Variants in SUGCT observed in about 807,000 individuals in gnomAD.
The protein encoded by SUGCT is succinyl-CoA:glutarate-CoA transferase.
SUGCT carries 41 observed loss-of-function variants against 55.0 expected under a neutral mutation model. The observed-to-expected ratio is 0.74, with a 90% confidence interval of 0.58 to 0.97. SUGCT has a LOEUF of 0.97. SUGCT is among the 50% of genes least tolerant of loss of function. The pLI, the probability that SUGCT is intolerant of heterozygous loss-of-function variation, is 0.00. For synonymous variants in SUGCT, 187 were observed against 200.4 expected (o/e 0.93, Z 0.56); for missense variants, 568 against 547.8 (o/e 1.04, Z -0.37).
rs1482109717 is a variant in SUGCT at position 40,253,595 on chromosome 7, C to T, written c.576+15869C>T. The stretch of plus-strand genomic sequence containing the variant: ...TTTTTTTTTTTGAGGCGGAGCCTCG[C>T]TCTGTTGCCCAGGCTGGAGTGCAGT... On this transcript the variant is annotated intron_variant, in intron 7 of 13. Transcript: ENST00000335693. Among the ~76,000 whole-genome samples the T allele has an allele frequency of 4.6e-5, 7 of 151,998 alleles. No homozygotes were observed. The East Asian group carries it at 1.3e-3, about 29-fold the overall frequency.
the SUGCT span, among the ~76,000 whole-genome samples, chr7:41,023,117 T>C: frequency 6.6e-6 from 1 of 152,210 alleles, no homozygotes; most frequent in Non-Finnish European, 1.5e-5. Flanking sequence ...GTTCACAGCA[T>C]GTCAGGTTTT....
chr7:40,623,704 A>T (rs1252014703), intron 12 of SUGCT, among the ~76,000 whole-genome samples: 1 of 152,146 alleles, frequency 6.6e-6, no homozygotes, highest in Non-Finnish European at 1.5e-5. Context: ...GATCACACAC[A>T]TGTGCACGCA....
At position 40,361,860 on chromosome 7, in the gene SUGCT, A is replaced by G. The variant is rs1049027519; in HGVS notation, c.816+45005A>G. Among the ~76,000 whole-genome samples the G allele has an allele frequency of 2.0e-5, 3 of 152,016 alleles. No homozygotes were observed. In the East Asian group the frequency reaches 5.8e-4, roughly 30 times the overall value. On this transcript the variant is annotated intron_variant, in intron 9 of 13. Coordinates refer to ENST00000335693, the MANE Select transcript of SUGCT (RefSeq NM_001193313.2). ...TTTTCTGAGGGCACATTGGAATCAC[A>G]TGGGGATCTTAAGAAATATCCTGAT... is the stretch of plus-strand genomic sequence containing the variant.
chr7:40,293,555 A>T (rs960200450), intron 8 of SUGCT, among the ~76,000 whole-genome samples: 1 of 152,186 alleles, frequency 6.6e-6, no homozygotes, highest in African/African-American at 2.4e-5. Context: ...AGCTTTTTGA[A>T]AAACTGATTC....
At chr7:40,598,545 T>C (rs569551436) in intron 12 of SUGCT, among the ~76,000 whole-genome samples, 2 of 152,288 alleles carry the variant, frequency 1.3e-5, no homozygotes, top group East Asian at 3.9e-4. Flanking sequence ...AGCAGAGAAC[T>C]AGAGAAAGGG....
chr7:40,378,627 C>T (rs1784721333), intron 9 of SUGCT, among the ~76,000 whole-genome samples: 8 of 152,180 alleles, frequency 5.3e-5, no homozygotes. Flanking sequence ...CATGTGCCAT[C>T]ATGCCTGGCT....
intron 8 of SUGCT, among the ~76,000 whole-genome samples, chr7:40,296,983 G>A (rs556349203): frequency 6.6e-6 from 1 of 152,176 alleles, no homozygotes; most frequent in African/African-American, 2.4e-5. Flanking sequence ...TCACTAAATG[G>A]GAATAATAAT....
intron 8 of SUGCT, among the ~76,000 whole-genome samples, chr7:40,279,708 G>A (rs1476016007): frequency 1.3e-5 from 2 of 151,938 alleles, no homozygotes; most frequent in African/African-American, 4.8e-5. Context: ...ACTTCAATTT[G>A]TCTTTCAATT....
chr7:40,299,496 C>T (rs1794392382), intron 8 of SUGCT, among the ~76,000 whole-genome samples: 1 of 152,172 alleles, frequency 6.6e-6, no homozygotes, highest in African/African-American at 2.4e-5. Context: ...TGTCACTGCA[C>T]ATGTTTAGAA....
intron 8 of SUGCT, among the ~76,000 whole-genome samples, chr7:40,295,789 A>T (rs1158782280): frequency 6.6e-6 from 1 of 152,206 alleles, no homozygotes; most frequent in Non-Finnish European, 1.5e-5. Context: ...ATTTAGGTGC[A>T]TAGATAAATT....
intron 9 of SUGCT, among the ~76,000 whole-genome samples, chr7:40,362,831 A>G (rs6945101): frequency 0.57 from 86,336 of 152,030 alleles, 24,595 homozygotes; most frequent in South Asian, 0.65. Flanking sequence ...CTTGATCTAT[A>G]TGGTGTGATT....
intron 8 of SUGCT, among the ~76,000 whole-genome samples, chr7:40,285,816 A>C (rs1457252896): frequency 6.6e-6 from 1 of 152,208 alleles, no homozygotes; most frequent in Non-Finnish European, 1.5e-5. Context: ...AGCAATGATA[A>C]TCAGACCTTA....
At chr7:40,211,041 ATCTCGGC>A (rs1336001384) in intron 6 of SUGCT, among the ~76,000 whole-genome samples, 1 of 151,786 alleles carries the variant, frequency 6.6e-6, no homozygotes, top group African/African-American at 2.4e-5. Flanking sequence ...CAGTGGTGTG[ATCTCGGC>A]TCACTGTAAC....
At chr7:40,967,125 T>C in the SUGCT span, 1 of 152,234 alleles carries the variant, frequency 6.6e-6, no homozygotes, top group Non-Finnish European at 1.5e-5. Flanking sequence ...TTCTTTGTTT[T>C]GTTACCCAAA....
chr7:40,289,408 T>C (rs895510446), intron 8 of SUGCT, among the ~76,000 whole-genome samples: 1 of 152,160 alleles, frequency 6.6e-6, no homozygotes, highest in Non-Finnish European at 1.5e-5. Context: ...TGGTAAAATA[T>C]TTGAATATGG....
chr7:40,291,205 C>A (rs1021371785), intron 8 of SUGCT, among the ~76,000 whole-genome samples: 1 of 151,996 alleles, frequency 6.6e-6, no homozygotes, highest in African/African-American at 2.4e-5. Flanking sequence ...CACATGCACA[C>A]GTGTGTTTAT....
chr7:40,248,871 A>AGC (rs200689908), intron 7 of SUGCT, among the ~76,000 whole-genome samples: 3 of 145,214 alleles, frequency 2.1e-5, no homozygotes, highest in Non-Finnish European at 3.0e-5. Context: ...GGCTCTTTCC[A>AGC]GCGCGCGCGC....
the SUGCT span, among the ~76,000 whole-genome samples, chr7:40,973,544 A>G: frequency 3.9e-5 from 6 of 152,284 alleles, no homozygotes; most frequent in East Asian, 9.7e-4. Flanking sequence ...TGTTAAAAGC[A>G]CGTCTGAACT....
intron 8 of SUGCT, among the ~76,000 whole-genome samples, chr7:40,304,934 G>A (rs1476079297): frequency 6.6e-6 from 1 of 152,114 alleles, no homozygotes; most frequent in Non-Finnish European, 1.5e-5. Flanking sequence ...AGCCAATTCT[G>A]ACTTCAGGGA....
Sources: allele counts gnomAD v4.1 joint callset (sites outside exome capture counted in the v4.1 genomes callset), GRCh38; gene constraint gnomAD v4.1.1; transcripts MANE v1.5; gene names NCBI Gene and HGNC (gene_info 2026-07-23, HGNC 2026-07-21).